Variants in SETD4 observed in about 807,000 individuals in gnomAD.
The protein encoded by SETD4 is SET domain-containing protein 4.
SETD4 carries 46 observed loss-of-function variants against 58.3 expected under a neutral mutation model. The ratio of observed to expected loss-of-function variants is 0.79; its 90% CI spans 0.62 to 1.01. The LOEUF is 1.01. Among genes scored for constraint, SETD4 ranks in the 50% least tolerant of loss-of-function variants. The probability of loss-of-function intolerance (pLI) is 0.00; values close to 1 mark genes in which losing one functional copy is unlikely to be tolerated. For synonymous variants in SETD4, 190 were observed against 202.6 expected (o/e 0.94, Z 0.53); for missense variants, 490 against 523.3 (o/e 0.94, Z 0.62).
chr21:36,039,779 G>T (rs1214476942), intron 9 of SETD4, among the ~76,000 whole-genome samples: 3 of 152,212 alleles, frequency 2.0e-5, no homozygotes, highest in Non-Finnish European at 2.9e-5. Context: ...AGACCAGAGA[G>T]AAATTTTACT....
intron 1 of SETD4, 94 bp downstream of exon 1, chr21:36,060,253 G>C: frequency 2.2e-6 from 1 of 463,470 alleles, no homozygotes; most frequent in Non-Finnish European, 2.8e-6. Flanking sequence ...TTCTTTTTAC[G>C]CTGATGAATG....
chr21:36,038,246 C>T lies in SETD4; in HGVS notation c.1092G>A (p.Gly364=), dbSNP rs1333416840. The part of the protein sequence containing the change: ...KFTCWKKVLL[G]EVISDTNEKT... ...TCTCATTCGTATCTGAAATTACCTC[C>T]CCAAGAAGTACTTTTTTCCAGCATG... Residue 364 remains glycine (G), a synonymous_variant, in exon 10 of 12, where the codon GGG becomes GGA. Transcript: ENST00000332131. 1 of 1,613,600 alleles carries T rather than the reference C, an allele frequency of 6.2e-7. No homozygotes were observed.
intron 9 of SETD4, among the ~76,000 whole-genome samples, chr21:36,038,533 TATC>T (rs2063890250): frequency 1.3e-5 from 2 of 152,154 alleles, no homozygotes; most frequent in Admixed American, 1.3e-4. Flanking sequence ...TGAATGTTAT[TATC>T]ATCACAAACC....
intron 9 of SETD4, 85 bp from the exon 10 acceptor site, chr21:36,038,358 TCTC>T (rs2063883254): frequency 2.7e-6 from 4 of 1,454,828 alleles, no homozygotes; most frequent in Non-Finnish European, 3.7e-6. Context: ...ATAAACTCCT[TCTC>T]CTATTTCTCC....
intron 4 of SETD4, chr21:36,051,080 T>C: frequency 1.4e-6 from 2 of 1,427,596 alleles, no homozygotes; most frequent in African/African-American, 2.8e-5. Flanking sequence ...TCGTCTTTCA[T>C]AAGGCTTGTA....
At position 36,050,088 on chromosome 21, in the gene SETD4, G is replaced by A. The variant is rs549968812; in HGVS notation, c.208-1692C>T. The A allele has an allele frequency of 3.4e-5, 21 of 619,954 alleles. 1 individual carries two copies. Among genetic ancestry groups the A allele is most frequent in the South Asian group, 2.7e-4 (14 of 51,770 alleles). The allele number at this position is 619,954 out of a possible 1,614,324, so 38.4% of individuals were successfully genotyped here. A position where few individuals can be genotyped will look rare whatever the true frequency, so the allele number is the denominator to read the frequency against. ...CTAGGAGGGTGGTGCACTCTAACTC[G>A]GGGACAGAAGCCCCTGTGCTCAGGA... On this transcript the variant is annotated intron_variant, in intron 4 of 11. Transcript: ENST00000332131.
intron 10 of SETD4, 34 bp from the exon 11 acceptor site, chr21:36,036,285 T>A: frequency 6.6e-7 from 1 of 1,509,844 alleles, no homozygotes; most frequent in Non-Finnish European, 8.9e-7. Flanking sequence ...GTTATTGTAG[T>A]AAAACATATA....
intron 10 of SETD4, chr21:36,036,615 C>A: frequency 1.0e-6 from 1 of 973,918 alleles, no homozygotes; most frequent in Non-Finnish European, 1.2e-6. Context: ...TCATTAAAAT[C>A]ACTCTTTAAA....
At position 36,049,863 on chromosome 21, in the gene SETD4, T is replaced by C. The variant is rs373292684; in HGVS notation, c.208-1467A>G. The stretch of plus-strand genomic sequence containing the variant: ...TCATGACCTAAACAAAAACTACCTG[T>C]AGTTACTGCTGCATACATGACATTT... On this transcript the variant is annotated intron_variant, in intron 4 of 11. Coordinates refer to ENST00000332131, the MANE Select transcript of SETD4 (RefSeq NM_017438.5). Among the ~76,000 whole-genome samples, 23 of 152,348 alleles carry C rather than the reference T, an allele frequency of 1.5e-4. No homozygotes were observed. The East Asian group carries it at 4.2e-3, about 28-fold the overall frequency.
chr21:36,058,040 T>C (rs1169020950), intron 2 of SETD4, among the ~76,000 whole-genome samples: 1 of 152,190 alleles, frequency 6.6e-6, no homozygotes, highest in Non-Finnish European at 1.5e-5. Flanking sequence ...TAAATTTACA[T>C]CCAAACATTG....
intron 4 of SETD4, 199 bp downstream of exon 4, chr21:36,053,384 G>A (rs2064812925): frequency 1.6e-6 from 1 of 623,106 alleles, no homozygotes. Flanking sequence ...TTTCCATGCT[G>A]CTTAAGCACC....
rs1457022871 is a variant in SETD4, at chr21:36,044,076, GTAAC to G, written c.727-124_727-121del. On this transcript the variant is annotated intron_variant, in intron 6 of 11. Coordinates refer to ENST00000332131, the MANE Select transcript of SETD4 (RefSeq NM_017438.5). ...AGCTTTCAAACACCCATCAATAAAT[GTAAC>G]TACGCATAGGGAAAATGCCACTTCC... 2.5e-6 allele frequency: 3 copies of G among 1,203,522 alleles called. No individual in the cohort carries two copies. The East Asian group carries it at 7.7e-5, about 31-fold the overall frequency. The allele number at this position is 1,203,522 out of a possible 1,614,324, so 74.6% of individuals were successfully genotyped here. A position where few individuals can be genotyped will look rare whatever the true frequency, so the allele number is the denominator to read the frequency against.
chr21:36,051,103 C>T lies in SETD4; in HGVS notation c.207+2480G>A. On this transcript the variant is annotated intron_variant, in intron 4 of 11. Coordinates refer to ENST00000332131, the MANE Select transcript of SETD4 (RefSeq NM_017438.5). ...CATAAGGCTTGTAATCTAGATGTAG[C>T]TGGTATCAGAGCAGACTATACTGCC... 3 of 1,411,796 alleles carry T rather than the reference C, an allele frequency of 2.1e-6. 1 individual carries two copies. The South Asian group carries it at 3.4e-5, about 16-fold the overall frequency. The allele number at this position is 1,411,796 out of a possible 1,614,324, so 87.5% of individuals were successfully genotyped here.
At chr21:36,057,048 C>T in intron 3 of SETD4, 61 bp downstream of exon 3, 1 of 1,322,044 alleles carries the variant, frequency 7.6e-7, no homozygotes, top group Admixed American at 1.7e-5. Flanking sequence ...CAAGAGTGGC[C>T]CCTGCTGTCT....
chr21:36,036,344 T>C, intron 10 of SETD4, 93 bp from the exon 11 acceptor site: 1 of 1,241,436 alleles, frequency 8.1e-7, no homozygotes, highest in Non-Finnish European at 1.1e-6. Flanking sequence ...TTTAAGTGTA[T>C]GGTTCAGCAG....
At chr21:36,036,352 C>A (rs1450781871) in intron 10 of SETD4, 101 bp from the exon 11 acceptor site, 1 of 1,167,518 alleles carries the variant, frequency 8.6e-7, no homozygotes, top group East Asian at 2.6e-5. Context: ...TATGGTTCAG[C>A]AGCATGAAGT....
At chr21:36,040,187 C>G (rs1353163430) in intron 9 of SETD4, among the ~76,000 whole-genome samples, 1 of 152,206 alleles carries the variant, frequency 6.6e-6, no homozygotes, top group Non-Finnish European at 1.5e-5. Flanking sequence ...TTCTGGATCT[C>G]CCCCAGGGCA....
chr21:36,051,300 C>T (rs2064671238), intron 4 of SETD4: 5 of 1,589,384 alleles, frequency 3.1e-6, no homozygotes, highest in South Asian at 1.1e-5. Context: ...GGAGCGAGAG[C>T]TGCTCACCAA....
intron 8 of SETD4, 80 bp from the exon 9 acceptor site, chr21:36,040,735 C>CA (rs1246660392): frequency 1.2e-4 from 159 of 1,282,552 alleles, no homozygotes; most frequent in Non-Finnish European, 1.3e-4. Context: ...AAGAGCCAAA[C>CA]ACCTTTTTAA....
Sources: gnomAD v4.1 joint callset for allele counts (sites outside exome capture counted in the v4.1 genomes callset) on GRCh38, gnomAD v4.1.1 for gene constraint, MANE v1.5 for transcripts, NCBI Gene and HGNC (gene_info 2026-07-23, HGNC 2026-07-21) for gene names.